RFX3: variants seen among roughly 807,000 people sequenced by gnomAD.
RFX3 encodes the protein transcription factor RFX3.
RFX3 carries 14 observed loss-of-function variants against 98.6 expected under a neutral mutation model. The ratio of observed to expected loss-of-function variants is 0.14; its 90% confidence interval spans 0.09 to 0.22. RFX3 has a LOEUF of 0.22. RFX3 is among the 10% of genes least tolerant of loss of function. The probability of loss-of-function intolerance (pLI) is 1.00; values close to 1 mark genes in which losing one functional copy is unlikely to be tolerated. For synonymous variants in RFX3, 383 were observed against 328.4 expected (o/e 1.17, Z -1.80); for missense variants, 639 against 926.9 (o/e 0.69, Z 4.03).
intron 4 of RFX3, among the ~76,000 whole-genome samples, chr9:3,314,259 A>C (rs1450250705): frequency 6.6e-6 from 1 of 152,202 alleles, no homozygotes; most frequent in Non-Finnish European, 1.5e-5. Flanking sequence ...AGAATTTCAT[A>C]TCCAGCCAAA....
At chr9:3,269,461 G>C (rs1026720029) in intron 11 of RFX3, among the ~76,000 whole-genome samples, 2 of 151,956 alleles carry the variant, frequency 1.3e-5, no homozygotes, top group Non-Finnish European at 2.9e-5. Context: ...CTATATGCTT[G>C]CTTTTACTTT....
intron 6 of RFX3, 35 bp from the exon 7 acceptor site, chr9:3,288,285 G>C: frequency 6.2e-7 from 1 of 1,603,028 alleles, no homozygotes; most frequent in Non-Finnish European, 8.5e-7. Flanking sequence ...AGAAACAAAA[G>C]TCAGTCAAAC....
At position 3,330,327 on chromosome 9, in the gene RFX3, G is replaced by C; in HGVS notation, c.406C>G (p.Leu136Val). The change falls in exon 4 of 17, where the codon CTG (leucine) becomes GTG (valine). Residue 136 changes from leucine to valine, a missense_variant. Physicochemically the swap from Leu to Val is conservative, Grantham distance 32. This residue lies in a region of RFX3 where 210 missense variants were observed against 197.7 expected (regional missense o/e 1.06). Transcript: ENST00000617270. Reference protein sequence around the residue: ...QLISSSGGTYLIGNSMENSGH... With the variant: ...QLISSSGGTYVIGNSMENSGH... ...GAATTCTCCATTGAGTTGCCGATCA[G>C]ATAGGTTCCTCCAGAGCTGCTGATG... 1.2e-6 allele frequency: 2 copies of C among 1,614,140 alleles called. No individual in the cohort carries two copies. Among genetic ancestry groups the C allele is most frequent in the Non-Finnish European group, 1.7e-6 (2 of 1,180,004 alleles).
In RFX3 at chr9:3,219,843, A is replaced by C. The variant is rs1440365976; in HGVS notation, c.*5199T>G. 6.6e-6 allele frequency: 1 copy of C among 152,202 alleles called. No homozygotes were observed. The allele number at this position is 152,202 out of a possible 1,614,324, so 9.4% of individuals were successfully genotyped here. On this transcript the variant is annotated 3_prime_UTR_variant, in exon 17 of 17. Coordinates refer to ENST00000617270, the MANE Select transcript of RFX3 (RefSeq NM_001282116.2). ...GCAACGTTTACGGCATACTTGCACTATGCTATGGATGTCCTTTCACCAGAC... is the reference window on the plus strand; with the variant it reads ...GCAACGTTTACGGCATACTTGCACTCTGCTATGGATGTCCTTTCACCAGAC...
At chr9:3,282,366 G>C (rs768454367) in intron 7 of RFX3, among the ~76,000 whole-genome samples, 3 of 151,584 alleles carry the variant, frequency 2.0e-5, no homozygotes, top group Non-Finnish European at 4.4e-5. Context: ...ATTCTTGTTG[G>C]TGGCTCTCTG....
rs1305939654 is a variant in RFX3, at chr9:3,524,434, C to A, written c.-9+1313G>T. 7 of 726,982 alleles carry A rather than the reference C, an allele frequency of 9.6e-6. No individual in the cohort carries two copies. In the Admixed American group the frequency reaches 1.9e-4, roughly 20 times the overall value. 45.0% of individuals were successfully genotyped at this position (726,982 alleles called of 1,614,324 possible). On this transcript the variant is annotated intron_variant, in intron 1 of 16. Coordinates refer to ENST00000617270, the MANE Select transcript of RFX3 (RefSeq NM_001282116.2). ...GTAAATAAAAAGAATATGTTAAGTA[C>A]ACACATGCCTAGATCTTAACCAGAA...
chr9:3,378,810 C>T lies in RFX3; in HGVS notation c.117+16662G>A, dbSNP rs149212973. On this transcript the variant is annotated intron_variant, in intron 2 of 16. Coordinates refer to ENST00000617270, the MANE Select transcript of RFX3 (RefSeq NM_001282116.2). ...ACCTCAGGTGGTCCGTCTTCCTCAGCCTCCCAAAGTGCTGGGATTACAGGC... is the reference window on the plus strand; with the variant it reads ...ACCTCAGGTGGTCCGTCTTCCTCAGTCTCCCAAAGTGCTGGGATTACAGGC... Among the ~76,000 whole-genome samples the T allele has an allele frequency of 1.3e-3, 198 of 152,178 alleles. 1 individual carries two copies. Among genetic ancestry groups the T allele is most frequent in the African/African-American group, 4.4e-3 (184 of 41,532 alleles).
intron 8 of RFX3, 80 bp downstream of exon 8, chr9:3,277,260 A>C: frequency 1.4e-6 from 2 of 1,458,704 alleles, no homozygotes; most frequent in South Asian, 2.3e-5. Context: ...ATTGACATCT[A>C]TAATAGACAT....
chr9:3,365,233 G>A (rs150719419), intron 2 of RFX3, among the ~76,000 whole-genome samples: 1 of 150,376 alleles, frequency 6.6e-6, no homozygotes, highest in Non-Finnish European at 1.5e-5. Flanking sequence ...CCAGGAAGTG[G>A]AGGTTGCAGT....
chr9:3,412,347 A>C (rs1038653492), intron 1 of RFX3, among the ~76,000 whole-genome samples: 46 of 152,304 alleles, frequency 3.0e-4, no homozygotes, highest in African/African-American at 1.1e-3. Context: ...AAGCTCTACC[A>C]CACCATTTTA....
intron 4 of RFX3, among the ~76,000 whole-genome samples, chr9:3,313,091 T>G (rs1193180675): frequency 6.6e-6 from 1 of 152,094 alleles, no homozygotes; most frequent in Non-Finnish European, 1.5e-5. Context: ...GACCACCAAG[T>G]AGCGTAACTG....
chr9:3,310,284 C>A (rs1000774513), intron 4 of RFX3, among the ~76,000 whole-genome samples: 2 of 152,246 alleles, frequency 1.3e-5, no homozygotes, highest in South Asian at 4.2e-4. Context: ...ATGTCCCAAA[C>A]AGAATATCAT....
chr9:3,500,236 T>G (rs1366125950), intron 1 of RFX3, among the ~76,000 whole-genome samples: 1 of 151,970 alleles, frequency 6.6e-6, no homozygotes, highest in East Asian at 1.9e-4. Flanking sequence ...TTCACTAAGG[T>G]GGTTTAGAAC....
intron 4 of RFX3, among the ~76,000 whole-genome samples, chr9:3,327,321 G>C (rs995271861): frequency 6.6e-6 from 1 of 152,062 alleles, no homozygotes; most frequent in Non-Finnish European, 1.5e-5. Flanking sequence ...CTTCAACTTT[G>C]TTAATTTTAC....
chr9:3,413,237 G>A (rs1171939665), intron 1 of RFX3, among the ~76,000 whole-genome samples: 1 of 151,624 alleles, frequency 6.6e-6, no homozygotes, highest in Non-Finnish European at 1.5e-5. Flanking sequence ...TAAAATACTT[G>A]TTAAAGCATA....
chr9:3,491,418 T>A (rs958988350), intron 1 of RFX3, among the ~76,000 whole-genome samples: 1 of 152,194 alleles, frequency 6.6e-6, no homozygotes, highest in Non-Finnish European at 1.5e-5. Flanking sequence ...TGAGGCCTTA[T>A]ATGTTATTAA....
At chr9:3,347,619 T>C (rs1392984150) in intron 2 of RFX3, among the ~76,000 whole-genome samples, 1 of 151,442 alleles carries the variant, frequency 6.6e-6, no homozygotes, top group African/African-American at 2.4e-5. Context: ...AGGTCAGGAG[T>C]TCAAGACCAG....
At chr9:3,524,490 G>C in intron 1 of RFX3, 3 of 979,112 alleles carry the variant, frequency 3.1e-6, no homozygotes, top group Non-Finnish European at 3.6e-6. Flanking sequence ...GTTTCAAGTT[G>C]AGAACCTTCA....
chr9:3,394,659 C>T (rs1231339224), intron 2 of RFX3: 1 of 177,448 alleles, frequency 5.6e-6, no homozygotes, highest in South Asian at 1.9e-4. Flanking sequence ...TCTCCCTAAC[C>T]ACTTATTTAT....
Sources: allele counts gnomAD v4.1 joint callset (sites outside exome capture counted in the v4.1 genomes callset), GRCh38; gene constraint gnomAD v4.1.1; regional missense constraint gnomAD v4.1.1; transcripts MANE v1.5; gene names NCBI Gene and HGNC (gene_info 2026-07-23, HGNC 2026-07-21).